EYA3: variants seen among roughly 807,000 people sequenced by gnomAD.
The protein encoded by EYA3 is EYA transcriptional coactivator and phosphatase 3, also known as protein phosphatase EYA3.
EYA3 carries 39 observed loss-of-function variants against 80.0 expected under a neutral mutation model. That is an observed-to-expected ratio of 0.49 (90% CI 0.38 to 0.64). The LOEUF (loss-of-function observed/expected upper bound fraction) is 0.64, where lower values mean the gene tolerates loss of function less well. EYA3 is among the 30% of genes least tolerant of loss of function. EYA3 has a pLI of 0.00. For missense variants in EYA3, 523 were observed against 676.1 expected, an observed-to-expected ratio of 0.77 and a Z score of 2.51; for synonymous variants, 206 against 232.8, an observed-to-expected ratio of 0.88 and a Z score of 1.05.
intron 1 of EYA3, among the ~76,000 whole-genome samples, chr1:28,087,844 A>T (rs1245228059): frequency 6.6e-6 from 1 of 152,248 alleles, no homozygotes. Flanking sequence ...AGGTAAAGCG[A>T]AGAACTAGGA....
Position 28,017,146 on chromosome 1 carries a change from C to G in EYA3, c.585+8G>C, listed in dbSNP as rs370079694. On this transcript the variant is annotated splice_region_variant and intron_variant, in intron 8 of 17. Coordinates refer to ENST00000373871, the MANE Select transcript of EYA3 (RefSeq NM_001990.4). ...TATCAAACAGGATGAACAAAGGTAGCATCATACCTGGTTTGAGATGCTGGC... is the reference window on the plus strand; with the variant it reads ...TATCAAACAGGATGAACAAAGGTAGGATCATACCTGGTTTGAGATGCTGGC... The G allele has an allele frequency of 5.6e-6, 9 of 1,607,288 alleles. No homozygotes were observed. The highest frequency in any genetic ancestry group is 7.7e-6 in the Non-Finnish European group (9 of 1,173,910).
Position 28,073,103 on chromosome 1 carries a change from T to TTC in EYA3, c.-68-15010_-68-15009insGA, listed in dbSNP as rs1447435853. Among the ~76,000 whole-genome samples, 295 of 37,502 alleles carry TTC rather than the reference T, an allele frequency of 7.9e-3. 22 individuals are homozygous for TTC. The highest frequency in any genetic ancestry group is 0.026 in the African/African-American group (163 of 6,194). 24.6% of individuals were successfully genotyped at this position (37,502 alleles called of 152,430 possible). On this transcript the variant is annotated intron_variant, in intron 1 of 17. Coordinates refer to ENST00000373871, the MANE Select transcript of EYA3 (RefSeq NM_001990.4). Reference sequence around the variant, plus strand: ...ATCCTTTTTGGGATTGATGAAACTATTATATATATATATATATATATATAT... The same window carrying TTC: ...ATCCTTTTTGGGATTGATGAAACTATTCTATATATATATATATATATATATAT...
At chr1:28,040,848 G>T (rs537611786) in intron 4 of EYA3, among the ~76,000 whole-genome samples, 1 of 146,496 alleles carries the variant, frequency 6.8e-6, no homozygotes, top group Non-Finnish European at 1.5e-5. Context: ...GCCAAGGGCG[G>T]AGGGGCAGGG....
In EYA3 at chr1:28,009,765, G is replaced by C. The variant is rs1641561914; in HGVS notation, c.909+1182C>G. Among the ~76,000 whole-genome samples, 1 of 152,220 alleles carries C rather than the reference G, an allele frequency of 6.6e-6. No homozygotes were observed. The highest frequency in any genetic ancestry group is 2.4e-5 in the African/African-American group (1 of 41,446). On this transcript the variant is annotated intron_variant, in intron 10 of 17. Transcript: ENST00000373871. The surrounding 1 kb of genome is among the most constrained non-coding windows in gnomAD (Gnocchi z 4.8). Reference sequence around the variant, plus strand: ...TATCTAGAATAAGAAGTCAAAGACAGAAAGTAGAATAGAGGTTACCAGAGG... The same window carrying C: ...TATCTAGAATAAGAAGTCAAAGACACAAAGTAGAATAGAGGTTACCAGAGG...
intron 6 of EYA3, 105 bp from the exon 7 acceptor site, chr1:28,028,031 C>CA (rs1475170237): frequency 7.5e-7 from 1 of 1,325,018 alleles, no homozygotes; most frequent in East Asian, 2.3e-5. Context: ...AATCTTAAAA[C>CA]AAAAATAAAT....
At chr1:28,064,890 A>C (rs1557636312) in intron 1 of EYA3, among the ~76,000 whole-genome samples, 2 of 152,250 alleles carry the variant, frequency 1.3e-5, no homozygotes, top group African/African-American at 4.8e-5. Context: ...ACTGGGATTC[A>C]GAGATTTAAA....
intron 13 of EYA3, among the ~76,000 whole-genome samples, chr1:27,994,300 C>T (rs537167914): frequency 2.8e-4 from 43 of 152,284 alleles, no homozygotes; most frequent in African/African-American, 9.6e-4. Context: ...CTGTCATCAG[C>T]CACATGTCAG....
At chr1:27,975,497 T>C (rs1638886815) in intron 17 of EYA3, among the ~76,000 whole-genome samples, 1 of 150,660 alleles carries the variant, frequency 6.6e-6, no homozygotes, top group South Asian at 2.1e-4. Flanking sequence ...ATTTTTTTTT[T>C]TTTTTTGAGA....
At chr1:28,015,878 G>A (rs1430109770) in intron 8 of EYA3, among the ~76,000 whole-genome samples, 1 of 152,144 alleles carries the variant, frequency 6.6e-6, no homozygotes, top group Non-Finnish European at 1.5e-5. Context: ...GAATTAAGAA[G>A]TCAGGGAAAA....
At chr1:28,077,189 C>G (rs1325027795) in intron 1 of EYA3, among the ~76,000 whole-genome samples, 1 of 150,658 alleles carries the variant, frequency 6.6e-6, no homozygotes, top group East Asian at 1.9e-4. Context: ...CTGCAACCTC[C>G]GCCTCCTGGA....
chr1:28,072,809 C>T (rs901399577), intron 1 of EYA3, among the ~76,000 whole-genome samples: 4 of 151,682 alleles, frequency 2.6e-5, no homozygotes, highest in Non-Finnish European at 5.9e-5. Flanking sequence ...CATATATATG[C>T]CAAAGACTGG....
Position 28,013,572 on chromosome 1 carries a change from C to T in EYA3, c.586-278G>A, listed in dbSNP as rs1641836647. On this transcript the variant is annotated intron_variant, in intron 8 of 17. Coordinates refer to ENST00000373871, the MANE Select transcript of EYA3 (RefSeq NM_001990.4). This position sits in a 1 kb window ranked among gnomAD's most constrained non-coding sequence, Gnocchi z 4.0. The stretch of plus-strand genomic sequence containing the variant: ...ACTCTCATAAACATACACATGGTGT[C>T]CCTTTTTGTACTCTAACAGCCTCTT... Among the ~76,000 whole-genome samples, 1 of 152,122 alleles carries T rather than the reference C, an allele frequency of 6.6e-6. No individual in the cohort carries two copies. The highest frequency in any genetic ancestry group is 6.6e-5 in the Admixed American group (1 of 15,260).
chr1:28,015,161 T>TACAGA, intron 8 of EYA3, among the ~76,000 whole-genome samples: 1 of 152,266 alleles, frequency 6.6e-6, no homozygotes, highest in Non-Finnish European at 1.5e-5. Flanking sequence ...ATGACTGAAA[T>TACAGA]ACAGAACAGA....
intron 4 of EYA3, among the ~76,000 whole-genome samples, chr1:28,041,150 G>C (rs191076287): frequency 4.6e-5 from 7 of 150,758 alleles, no homozygotes; most frequent in Admixed American, 6.6e-5. Context: ...GATCACTTGA[G>C]GTCAAGAGTT....
At chr1:28,079,080 T>C (rs990633714) in intron 1 of EYA3, among the ~76,000 whole-genome samples, 6 of 152,216 alleles carry the variant, frequency 3.9e-5, no homozygotes, top group Non-Finnish European at 7.3e-5. Context: ...TCATTTTTTT[T>C]CCCCAGGCCT....
In EYA3 at chr1:28,013,293, T is replaced by C; in HGVS notation, c.587A>G (p.Asp196Gly). ...AAAVASISNQ[D>G]YPTYTILGQN... ...ACCAAGAATAGTATAGGTGGGATAA[T>C]CCTGCAGGCCAAAGGAAATAAGAAA... is the stretch of plus-strand genomic sequence containing the variant. The change falls in exon 9 of 18, where the codon GAT becomes GGT. Residue 196 changes from aspartate to glycine, a missense_variant and splice_region_variant. Asp to Gly is a moderately conservative substitution (Grantham distance 94). This residue lies in a region of EYA3 where 304 missense variants were observed against 343.3 expected (regional missense o/e 0.89). Transcript: ENST00000373871. This position sits in a 1 kb window ranked among gnomAD's most constrained non-coding sequence, Gnocchi z 4.0. The C allele has an allele frequency of 1.2e-6, 2 of 1,606,820 alleles. No individual in the cohort carries two copies. The highest frequency in any genetic ancestry group is 1.7e-6 in the Non-Finnish European group (2 of 1,176,292).
intron 5 of EYA3, among the ~76,000 whole-genome samples, chr1:28,036,870 G>A (rs1012195523): frequency 6.6e-6 from 1 of 152,010 alleles, no homozygotes; most frequent in Non-Finnish European, 1.5e-5. Flanking sequence ...TCACCTTTGG[G>A]GGAAGAGGAA....
At chr1:28,070,318 C>G (rs1571949850) in intron 1 of EYA3, among the ~76,000 whole-genome samples, 1 of 151,874 alleles carries the variant, frequency 6.6e-6, no homozygotes, top group South Asian at 2.1e-4. Context: ...CCCAGCACTT[C>G]GGGAGGCCAA....
chr1:28,018,259 A>G (rs1451356657), intron 7 of EYA3, among the ~76,000 whole-genome samples: 1 of 152,176 alleles, frequency 6.6e-6, no homozygotes, highest in Admixed American at 6.5e-5. Context: ...CACATAAAAC[A>G]ATAAAAATAA....
Sources: gnomAD v4.1 joint callset for allele counts (sites outside exome capture counted in the v4.1 genomes callset) on GRCh38, gnomAD v4.1.1 for gene constraint, gnomAD v4.1.1 regional missense constraint, Gnocchi (gnomAD v3.1) non-coding constraint, MANE v1.5 for transcripts, NCBI Gene and HGNC (gene_info 2026-07-23, HGNC 2026-07-21) for gene names.